DNAJC8: variants seen among roughly 807,000 people sequenced by gnomAD.
DNAJC8 encodes the protein DnaJ heat shock protein family (Hsp40) member C8.
In DNAJC8, 24 loss-of-function variants were observed where a neutral mutation model predicts 43.2. The ratio of observed to expected loss-of-function variants is 0.56; its 90% confidence interval spans 0.40 to 0.78. DNAJC8 has a LOEUF of 0.78. Ranked by LOEUF, DNAJC8 falls within the 30% of genes least tolerant of loss-of-function variation. The probability of loss-of-function intolerance (pLI) is 0.00; values close to 1 mark genes in which losing one functional copy is unlikely to be tolerated. For missense variants in DNAJC8, 207 were observed against 299.4 expected, an observed-to-expected ratio of 0.69 and a Z score of 2.28; for synonymous variants, 83 against 98.0, an observed-to-expected ratio of 0.85 and a Z score of 0.90.
intron 8 of DNAJC8, among the ~76,000 whole-genome samples, chr1:28,202,286 G>A (rs1258387473): frequency 6.6e-6 from 1 of 152,054 alleles, no homozygotes. Flanking sequence ...TGTCATTGTT[G>A]TTGTCTTTTG....
At chr1:28,208,005 G>A (rs993313151) in intron 6 of DNAJC8, among the ~76,000 whole-genome samples, 3 of 152,024 alleles carry the variant, frequency 2.0e-5, no homozygotes, top group African/African-American at 2.4e-5. Flanking sequence ...TCAGGAGTTC[G>A]AGACCAGACT....
intron 1 of DNAJC8, among the ~76,000 whole-genome samples, chr1:28,230,695 CAG>C (rs986963874): frequency 2.6e-5 from 4 of 152,196 alleles, no homozygotes; most frequent in Non-Finnish European, 5.9e-5. Context: ...ACTGCAGTGA[CAG>C]AAGACAGATC....
At chr1:28,229,125 G>A (rs1359155177) in intron 1 of DNAJC8, 102 bp from the exon 2 acceptor site, 1 of 975,988 alleles carries the variant, frequency 1.0e-6, no homozygotes, top group Non-Finnish European at 1.5e-6. Flanking sequence ...ATTTATTTGT[G>A]TGTTTACCAT....
intron 3 of DNAJC8, among the ~76,000 whole-genome samples, chr1:28,211,107 G>A (rs191506302): frequency 6.6e-6 from 1 of 152,288 alleles, no homozygotes; most frequent in East Asian, 1.9e-4. Flanking sequence ...CTGGGAGGTT[G>A]AGATTGTGCC....
Position 28,232,978 on chromosome 1 carries a change from G to T in DNAJC8, c.21C>A (p.Ser7Arg), listed in dbSNP as rs778428016. 9.8e-5 allele frequency: 158 copies of T among 1,612,464 alleles called. No individual in the cohort carries two copies. The highest frequency in any genetic ancestry group is 1.2e-4 in the Non-Finnish European group (147 of 1,179,998). MAASGE[S>R]GTSGGGGSTE... ...TGCTGCCTCCGCCGCCTGAAGTCCC[G>T]CTCTCTCCTGAAGCCGCCATTTCCC... Residue 7 changes from serine to arginine, a missense_variant, in exon 1 of 9, where the codon AGC becomes AGA. Around this residue, in one of 2 missense-constraint regions of DNAJC8, gnomAD observed 48 missense variants for 31.9 expected, o/e 1.50. Coordinates refer to ENST00000263697, the MANE Select transcript of DNAJC8 (RefSeq NM_014280.3).
intron 2 of DNAJC8, among the ~76,000 whole-genome samples, chr1:28,222,076 G>A (rs1356100150): frequency 1.3e-5 from 2 of 152,152 alleles, no homozygotes; most frequent in African/African-American, 4.8e-5. Context: ...CAGGGGCTGG[G>A]GAGGGAGGAA....
chr1:28,216,425 C>T (rs1646855118), intron 2 of DNAJC8, among the ~76,000 whole-genome samples: 1 of 152,136 alleles, frequency 6.6e-6, no homozygotes, highest in African/African-American at 2.4e-5. Context: ...TCCAACAAAT[C>T]CCAGAGGATG....
intron 1 of DNAJC8, among the ~76,000 whole-genome samples, chr1:28,232,300 C>T (rs150322388): frequency 6.6e-6 from 1 of 152,256 alleles, no homozygotes; most frequent in East Asian, 1.9e-4. Context: ...TTCATTCATT[C>T]ACTCAACAAA....
intron 5 of DNAJC8, 29 bp from the exon 6 acceptor site, chr1:28,208,442 C>G (rs1250886840): frequency 2.0e-6 from 3 of 1,537,698 alleles, no homozygotes; most frequent in Non-Finnish European, 2.7e-6. Context: ...CATCAAAAGA[C>G]GAGCATCTGT....
intron 6 of DNAJC8, 46 bp downstream of exon 6, chr1:28,208,296 G>C (rs772143047): frequency 6.8e-7 from 1 of 1,469,894 alleles, no homozygotes; most frequent in Admixed American, 1.9e-5. Context: ...CCAATTCGTA[G>C]ACACAATCAC....
intron 3 of DNAJC8, among the ~76,000 whole-genome samples, chr1:28,214,285 G>A (rs1378948728): frequency 2.0e-5 from 3 of 152,014 alleles, no homozygotes; most frequent in Non-Finnish European, 4.4e-5. Flanking sequence ...GGTAATTCCT[G>A]CATTTTGGGG....
chr1:28,210,305 T>C lies in DNAJC8; in HGVS notation c.305-239A>G, dbSNP rs1331046376. The C allele has an allele frequency of 7.1e-6, 4 of 560,678 alleles. No individual in the cohort carries two copies. In the East Asian group the frequency reaches 8.7e-5, roughly 12 times the overall value. The allele number at this position is 560,678 out of a possible 1,614,324, so 34.7% of individuals were successfully genotyped here. ...ACTACATCTGGATTTAATTCAGTGA[T>C]AAAATTCTTTATGTTCAAAGAAAAA... is the stretch of plus-strand genomic sequence containing the variant. On this transcript the variant is annotated intron_variant, in intron 4 of 8. Coordinates refer to ENST00000263697, the MANE Select transcript of DNAJC8 (RefSeq NM_014280.3).
intron 1 of DNAJC8, 86 bp from the exon 2 acceptor site, chr1:28,229,109 AC>A: frequency 9.0e-7 from 1 of 1,114,318 alleles, no homozygotes. Context: ...GATATGTTCA[AC>A]AAACATTTAT....
intron 4 of DNAJC8, 109 bp downstream of exon 4, chr1:28,210,462 G>T (rs1356143846): frequency 3.2e-6 from 3 of 951,692 alleles, no homozygotes; most frequent in Non-Finnish European, 3.2e-6. Context: ...ACAGCTTCTT[G>T]GTGACCAGAA....
intron 5 of DNAJC8, among the ~76,000 whole-genome samples, chr1:28,209,691 G>A (rs1646797554): frequency 6.6e-6 from 1 of 152,220 alleles, no homozygotes; most frequent in South Asian, 2.1e-4. Flanking sequence ...GTGGCAATAT[G>A]TGATGAGAGG....
At chr1:28,226,083 G>C (rs1275254819) in intron 2 of DNAJC8, among the ~76,000 whole-genome samples, 2 of 151,196 alleles carry the variant, frequency 1.3e-5, no homozygotes, top group African/African-American at 4.9e-5. Context: ...TGCCCAATAA[G>C]TGTTGTTTCT....
intron 2 of DNAJC8, among the ~76,000 whole-genome samples, chr1:28,221,689 TAGAA>T (rs1646899410): frequency 6.6e-6 from 1 of 152,206 alleles, no homozygotes; most frequent in African/African-American, 2.4e-5. Context: ...TATGGCTAGA[TAGAA>T]AGAACATACC....
At chr1:28,229,466 CTTTTAA>C (rs1026385964) in intron 1 of DNAJC8, among the ~76,000 whole-genome samples, 9 of 137,184 alleles carry the variant, frequency 6.6e-5, no homozygotes, top group African/African-American at 2.1e-4. Flanking sequence ...TCATTTATAG[CTTTTAA>C]TTTTAAGAAA....
At chr1:28,226,639 CA>C (rs1451102359) in intron 2 of DNAJC8, among the ~76,000 whole-genome samples, 1 of 151,246 alleles carries the variant, frequency 6.6e-6, no homozygotes, top group Non-Finnish European at 1.5e-5. Context: ...TGGGGGGTGA[CA>C]TATTACTTAC....
Sources: gnomAD v4.1 joint callset for allele counts (sites outside exome capture counted in the v4.1 genomes callset) on GRCh38, gnomAD v4.1.1 for gene constraint, gnomAD v4.1.1 regional missense constraint, MANE v1.5 for transcripts, NCBI Gene and HGNC (gene_info 2026-07-23, HGNC 2026-07-21) for gene names.